Variants in DMD observed in about 807,000 individuals in gnomAD.
DMD encodes the protein mutant dystrophin.
DMD carries 63 observed loss-of-function variants against 330.1 expected under a neutral mutation model. That is an observed-to-expected ratio of 0.19 (90% confidence interval 0.16 to 0.24). The LOEUF is 0.24. Ranked by LOEUF, DMD falls within the 10% of genes least tolerant of loss-of-function variation. DMD has a pLI of 1.00. For synonymous variants in DMD, 1,223 were observed against 959.8 expected (o/e 1.27, Z -5.07); for missense variants, 3,344 against 2,684.1 (o/e 1.25, Z -5.43).
intron 50 of DMD, among the ~76,000 whole-genome samples, chrX:31,813,164 G>A (rs954041415): frequency 1.8e-5 from 2 of 111,992 alleles, no homozygotes; most frequent in African/African-American, 3.2e-5. Context: ...CCTACACATC[G>A]GAAGGAAGCC....
chrX:32,020,189 T>C (rs1225661860), intron 44 of DMD, among the ~76,000 whole-genome samples: 3 of 112,486 alleles, frequency 2.7e-5, no homozygotes, highest in Non-Finnish European at 3.8e-5. Flanking sequence ...ACTTGCTTTC[T>C]TTTAAACCTC....
At position 32,310,157 on chromosome X, in the gene DMD, C is replaced by T. The variant is rs1163363861; in HGVS notation, c.6042G>A (p.Val2014=). 1.7e-6 allele frequency: 2 copies of T among 1,206,514 alleles called. No homozygotes were observed. The highest frequency in any genetic ancestry group is 1.8e-5 in the South Asian group (1 of 56,784). ...GGTCAGGAGCATTGAGAAGTTGTTCCACTTCTAATAGGGCTTGTGAGACAT... is the reference window on the plus strand; with the variant it reads ...GGTCAGGAGCATTGAGAAGTTGTTCTACTTCTAATAGGGCTTGTGAGACAT... ...ITHVSQALLE[V]EQLLNAPDLC... is the part of the protein sequence containing the mutation. The change falls in exon 42 of 79, where the codon GTG becomes GTA. Residue 2014 remains valine, a synonymous_variant. Coordinates refer to ENST00000357033, the MANE Select transcript of DMD (RefSeq NM_004006.3).
At chrX:32,605,893 C>A (rs1301100450) in intron 12 of DMD, among the ~76,000 whole-genome samples, 4 of 109,354 alleles carry the variant, frequency 3.7e-5, no homozygotes, top group Non-Finnish European at 7.7e-5. Flanking sequence ...TTTTCAATGT[C>A]ATTTAAAAAT....
chrX:32,568,056 G>A (rs1255758211), intron 15 of DMD, among the ~76,000 whole-genome samples: 2 of 112,275 alleles, frequency 1.8e-5, no homozygotes, highest in Non-Finnish European at 3.8e-5. Flanking sequence ...AAACATGTCA[G>A]AAGAGGAGTG....
At chrX:33,030,510 T>G (rs774800208) in intron 1 of DMD, among the ~76,000 whole-genome samples, 1 of 111,937 alleles carries the variant, frequency 8.9e-6, no homozygotes, top group Admixed American at 9.5e-5. Flanking sequence ...GGGTGTAGAC[T>G]TGTTAGGAGT....
intron 63 of DMD, among the ~76,000 whole-genome samples, chrX:31,235,410 A>G (rs2047627448): frequency 8.9e-6 from 1 of 112,372 alleles, no homozygotes; most frequent in Non-Finnish European, 1.9e-5. Flanking sequence ...CAATAAAAAT[A>G]AAATCTATAG....
At chrX:33,139,699 C>A (rs73190219) in intron 1 of DMD, among the ~76,000 whole-genome samples, 8,282 of 109,011 alleles carry the variant, frequency 0.076, 355 homozygotes, top group South Asian at 0.2. Context: ...TTCATTTCCA[C>A]CATGATTTTG....
intron 60 of DMD, among the ~76,000 whole-genome samples, chrX:31,438,687 C>G (rs1405216910): frequency 9.0e-6 from 1 of 110,986 alleles, no homozygotes; most frequent in African/African-American, 3.3e-5. Context: ...TAGTGATAGG[C>G]CGACATTATT....
intron 55 of DMD, among the ~76,000 whole-genome samples, chrX:31,584,996 G>A (rs955374922): frequency 9.1e-6 from 1 of 110,007 alleles, no homozygotes; most frequent in African/African-American, 3.3e-5. Flanking sequence ...AGGAAAATAA[G>A]TCACAAATTT....
At chrX:31,874,087 G>A (rs940482825) in intron 48 of DMD, among the ~76,000 whole-genome samples, 2 of 111,507 alleles carry the variant, frequency 1.8e-5, no homozygotes, top group African/African-American at 6.5e-5. Flanking sequence ...TGAATAAAAA[G>A]GTTTATAAGA....
At chrX:32,728,140 T>G (rs2067109075) in intron 7 of DMD, among the ~76,000 whole-genome samples, 1 of 111,249 alleles carries the variant, frequency 9.0e-6, no homozygotes, top group South Asian at 3.7e-4. Context: ...CATAGACTAC[T>G]CTTATGCTCT....
chrX:33,090,680 C>T (rs779399806), intron 1 of DMD, among the ~76,000 whole-genome samples: 2 of 110,017 alleles, frequency 1.8e-5, no homozygotes, highest in Non-Finnish European at 3.8e-5. Flanking sequence ...ATATATCAAG[C>T]ATATGTCATA....
At chrX:31,449,763 G>GATATATATATATAT (rs59787771) in intron 59 of DMD, among the ~76,000 whole-genome samples, 12 of 62,462 alleles carry the variant, frequency 1.9e-4, no homozygotes, top group Non-Finnish European at 3.4e-4. Flanking sequence ...TAAATGGTGT[G>GATATATATATATAT]ATATATATAT....
intron 1 of DMD, among the ~76,000 whole-genome samples, chrX:33,239,434 C>T (rs920409749): frequency 1.1e-5 from 1 of 93,815 alleles, no homozygotes; most frequent in African/African-American, 3.5e-5. Flanking sequence ...AAGCTAAGGA[C>T]CAATCTAAAC....
intron 1 of DMD, among the ~76,000 whole-genome samples, chrX:33,056,193 T>G (rs1008364203): frequency 9.0e-6 from 1 of 110,527 alleles, no homozygotes. Context: ...AGCAAGATGT[T>G]CCCTTAGGTT....
At chrX:32,445,295 T>C (rs1304291145) in intron 27 of DMD, among the ~76,000 whole-genome samples, 1 of 110,149 alleles carries the variant, frequency 9.1e-6, no homozygotes, top group Admixed American at 9.6e-5. Flanking sequence ...GACTAGGCAT[T>C]ATAGATGTGT....
chrX:32,112,919 A>G (rs970072099), intron 44 of DMD, among the ~76,000 whole-genome samples: 4 of 111,923 alleles, frequency 3.6e-5, no homozygotes, highest in African/African-American at 1.3e-4. Flanking sequence ...ATCTGAATTC[A>G]TGTGTTTCAC....
At chrX:32,377,590 T>A (rs1462682912) in intron 34 of DMD, among the ~76,000 whole-genome samples, 1 of 111,633 alleles carries the variant, frequency 9.0e-6, no homozygotes, top group African/African-American at 3.2e-5. Flanking sequence ...TAGGGCCAAG[T>A]ATAGAAATGT....
intron 17 of DMD, among the ~76,000 whole-genome samples, chrX:32,543,996 T>A (rs1263880563): frequency 8.9e-6 from 1 of 112,180 alleles, no homozygotes; most frequent in Non-Finnish European, 1.9e-5. Context: ...AATTTTGACA[T>A]GTCATAAAAT....
Sources: gnomAD v4.1 joint callset for allele counts (sites outside exome capture counted in the v4.1 genomes callset) on GRCh38, gnomAD v4.1.1 for gene constraint, MANE v1.5 for transcripts, NCBI Gene and HGNC (gene_info 2026-07-23, HGNC 2026-07-21) for gene names.